BICC1: variants seen among roughly 807,000 people sequenced by gnomAD.
BICC1 encodes the protein protein bicaudal C homolog 1.
In BICC1, 43 loss-of-function variants were observed where a neutral mutation model predicts 111.0. The ratio of observed to expected loss-of-function variants is 0.39; its 90% CI spans 0.30 to 0.50. The LOEUF (loss-of-function observed/expected upper bound fraction) is 0.50. Among genes scored for constraint, BICC1 ranks in the 20% least tolerant of loss-of-function variants. The pLI is 0.88. For synonymous variants in BICC1, 467 were observed against 434.4 expected (o/e 1.07, Z -0.93); for missense variants, 1,091 against 1,203.2 (o/e 0.91, Z 1.38).
At chr10:58,656,395 A>C (rs955570150) in intron 2 of BICC1, among the ~76,000 whole-genome samples, 10 of 151,024 alleles carry the variant, frequency 6.6e-5, no homozygotes, top group African/African-American at 2.4e-4. Flanking sequence ...AGACACAACC[A>C]AAAAAGAGAT....
In BICC1 at chr10:58,513,102, G is replaced by GAGC; in HGVS notation, c.-41_-39dup. ...GCGAGCGGAGGCGGCAGCGCAGGCA[G>GAGC]AGCGGCGGCGGCAGCGGGAGCCCGA... is the stretch of plus-strand genomic sequence containing the variant. On this transcript the variant is annotated 5_prime_UTR_variant, in exon 1 of 21. Coordinates refer to ENST00000373886, the MANE Select transcript of BICC1 (RefSeq NM_001080512.3). 1 of 1,344,566 alleles carries GAGC rather than the reference G, an allele frequency of 7.4e-7. No homozygotes were observed. Among genetic ancestry groups the GAGC allele is most frequent in the South Asian group, 2.0e-5 (1 of 50,186 alleles). The allele number at this position is 1,344,566 out of a possible 1,614,324, so 83.3% of individuals were successfully genotyped here.
intron 1 of BICC1, among the ~76,000 whole-genome samples, chr10:58,528,324 A>G (rs1436619028): frequency 6.6e-6 from 1 of 151,886 alleles, no homozygotes; most frequent in Non-Finnish European, 1.5e-5. Flanking sequence ...GTGATAGAAC[A>G]TTAGTGTGGA....
At chr10:58,583,584 C>CTCTCTCTGTGTG (rs1219991922) in intron 1 of BICC1, among the ~76,000 whole-genome samples, 1 of 139,344 alleles carries the variant, frequency 7.2e-6, no homozygotes, top group Non-Finnish European at 1.6e-5. Context: ...TTCTCTCTCT[C>CTCTCTCTGTGTG]TGTGTGTGTG....
chr10:58,670,783 A>C (rs542551672), intron 2 of BICC1, among the ~76,000 whole-genome samples: 24 of 152,320 alleles, frequency 1.6e-4, no homozygotes, highest in African/African-American at 5.8e-4. Flanking sequence ...AAAGCCAAAA[A>C]CTGAAAGCAT....
intron 2 of BICC1, 152 bp from the exon 3 acceptor site, chr10:58,701,922 G>GTTTTT: frequency 2.0e-6 from 1 of 503,290 alleles, no homozygotes; most frequent in Non-Finnish European, 3.5e-6. Flanking sequence ...TCCCCCCAGG[G>GTTTTT]TTTTTTTTTT....
At chr10:58,612,777 T>C (rs141648910) in intron 1 of BICC1, among the ~76,000 whole-genome samples, 1 of 152,218 alleles carries the variant, frequency 6.6e-6, no homozygotes, top group East Asian at 1.9e-4. Flanking sequence ...GTTATAAATA[T>C]GAAGAACATA....
chr10:58,513,423 C>A, intron 1 of BICC1, 90 bp downstream of exon 1: 3 of 1,276,412 alleles, frequency 2.4e-6, no homozygotes, highest in South Asian at 3.2e-5. Flanking sequence ...CCCGCTACTC[C>A]AGCCTACGGC....
intron 3 of BICC1, among the ~76,000 whole-genome samples, chr10:58,707,671 A>G (rs1261495873): frequency 6.6e-6 from 1 of 152,058 alleles, no homozygotes; most frequent in Non-Finnish European, 1.5e-5. Flanking sequence ...CTGGGACTAC[A>G]GGCACACACC....
At chr10:58,802,287 G>A (rs1219294552) in intron 14 of BICC1, among the ~76,000 whole-genome samples, 2 of 152,128 alleles carry the variant, frequency 1.3e-5, no homozygotes, top group Admixed American at 6.5e-5. Context: ...AAAGTTCATT[G>A]TCCCTCTTTT....
intron 17 of BICC1, among the ~76,000 whole-genome samples, chr10:58,807,403 T>G (rs1843743381): frequency 6.6e-6 from 1 of 152,160 alleles, no homozygotes; most frequent in Non-Finnish European, 1.5e-5. Flanking sequence ...GATGTGAGTT[T>G]TTGTTGAGTG....
At chr10:58,769,679 A>G (rs971165748) in intron 3 of BICC1, among the ~76,000 whole-genome samples, 1 of 151,930 alleles carries the variant, frequency 6.6e-6, no homozygotes, top group African/African-American at 2.4e-5. Context: ...TTCTAAACCT[A>G]GGGATCAATT....
At chr10:58,648,584 CCT>C (rs775998727) in intron 2 of BICC1, 1,352 of 944,066 alleles carry the variant, frequency 1.4e-3, no homozygotes, top group Non-Finnish European at 1.6e-3. Context: ...ATGTTTAGTG[CCT>C]CTCTCTCTCT....
At chr10:58,715,888 G>A in intron 3 of BICC1, 3 of 1,229,846 alleles carry the variant, frequency 2.4e-6, no homozygotes, top group Non-Finnish European at 2.3e-6. Context: ...ATCAAGCTCT[G>A]ATTCTTCCAG....
At chr10:58,741,703 A>G (rs1223055942) in intron 3 of BICC1, among the ~76,000 whole-genome samples, 1 of 152,114 alleles carries the variant, frequency 6.6e-6, no homozygotes, top group African/African-American at 2.4e-5. Context: ...TTGTCCAAGG[A>G]TTGTGTACCT....
chr10:58,703,951 A>G (rs141917698), intron 3 of BICC1, among the ~76,000 whole-genome samples: 1 of 618 alleles, frequency 1.6e-3, no homozygotes, highest in Admixed American at 0.026. Flanking sequence ...TCCTCTCCCC[A>G]TGCCATTATC....
chr10:58,546,035 A>T (rs926601125), intron 1 of BICC1, among the ~76,000 whole-genome samples: 1 of 152,136 alleles, frequency 6.6e-6, no homozygotes, highest in African/African-American at 2.4e-5. Flanking sequence ...TCTTTCCTGA[A>T]CCGGAATTAA....
intron 1 of BICC1, among the ~76,000 whole-genome samples, chr10:58,564,542 C>G (rs1213797525): frequency 1.3e-5 from 2 of 152,176 alleles, no homozygotes; most frequent in Non-Finnish European, 2.9e-5. Context: ...ACAACTATGA[C>G]ATTATGCTGT....
intron 1 of BICC1, among the ~76,000 whole-genome samples, chr10:58,607,345 A>AAATAAATAAATAAATAAATAAAT: frequency 3.9e-5 from 1 of 25,576 alleles, no homozygotes; most frequent in South Asian, 1.9e-3. Flanking sequence ...AATAAATAAA[A>AAATAAATAAATAAATAAATAAAT]CTGTCATGCT....
chr10:58,696,232 T>G (rs768308658), intron 2 of BICC1, among the ~76,000 whole-genome samples: 2 of 151,932 alleles, frequency 1.3e-5, no homozygotes, highest in Non-Finnish European at 2.9e-5. Flanking sequence ...AAATATAAAG[T>G]GGAAAGTTAA....
Sources: allele counts gnomAD v4.1 joint callset (sites outside exome capture counted in the v4.1 genomes callset), GRCh38; gene constraint gnomAD v4.1.1; transcripts MANE v1.5; gene names NCBI Gene and HGNC (gene_info 2026-07-23, HGNC 2026-07-21).